XYLB: variants seen among roughly 807,000 people sequenced by gnomAD.
The protein encoded by XYLB is xylulokinase, also known as xylulose kinase.
A neutral mutation model predicts 78.7 loss-of-function variants in XYLB; 62 were observed. That is an observed-to-expected ratio of 0.79 (90% CI 0.64 to 0.97). The LOEUF (loss-of-function observed/expected upper bound fraction) is 0.97. Ranked by LOEUF, XYLB falls within the 50% of genes least tolerant of loss-of-function variation. The pLI is 0.00. For synonymous variants in XYLB, 245 were observed against 247.4 expected (o/e 0.99, Z 0.09); for missense variants, 687 against 676.8 (o/e 1.02, Z -0.17).
At chr3:38,398,552 A>G (rs977243177) in intron 17 of XYLB, among the ~76,000 whole-genome samples, 2 of 152,062 alleles carry the variant, frequency 1.3e-5, no homozygotes, top group Admixed American at 6.6e-5. Context: ...GCCATATCCT[A>G]TATCAAGATC....
chr3:38,395,724 C>T, intron 16 of XYLB, among the ~76,000 whole-genome samples, 161 bp downstream of exon 16: 1 of 152,226 alleles, frequency 6.6e-6, no homozygotes, highest in East Asian at 1.9e-4. Flanking sequence ...TTACAGCTCA[C>T]ACTGTGAGTG....
At chr3:38,392,562 G>A (rs918724531) in intron 15 of XYLB, among the ~76,000 whole-genome samples, 1 of 152,142 alleles carries the variant, frequency 6.6e-6, no homozygotes, top group Non-Finnish European at 1.5e-5. Flanking sequence ...CTCCCAAAGT[G>A]CTGGGATTAC....
chr3:38,352,362 A>G (rs1286799735), intron 2 of XYLB, among the ~76,000 whole-genome samples: 10 of 152,226 alleles, frequency 6.6e-5, no homozygotes, highest in African/African-American at 2.4e-4. Flanking sequence ...ATAAAAAAGA[A>G]CACAGAAGTT....
chr3:38,375,297 A>G, intron 12 of XYLB, 38 bp downstream of exon 12: 1 of 1,584,384 alleles, frequency 6.3e-7, no homozygotes, highest in East Asian at 2.2e-5. Flanking sequence ...TCCCTGGGTG[A>G]GGAGGTGTGG....
chr3:38,376,826 T>A (rs2125606317), intron 13 of XYLB, 92 bp from the exon 14 acceptor site: 1 of 1,044,192 alleles, frequency 9.6e-7, no homozygotes, highest in East Asian at 2.4e-5. Context: ...CCCAGGGATA[T>A]GGGGTCATTT....
intron 2 of XYLB, among the ~76,000 whole-genome samples, chr3:38,357,632 C>T (rs576676395): frequency 5.9e-5 from 9 of 152,240 alleles, no homozygotes; most frequent in East Asian, 3.9e-4. Context: ...GTGATCCGCC[C>T]GCCTCGGCCT....
chr3:38,360,525 C>A, intron 3 of XYLB, 117 bp downstream of exon 3: 1 of 859,050 alleles, frequency 1.2e-6, no homozygotes, highest in South Asian at 1.7e-5. Flanking sequence ...GTCACCAGGT[C>A]CTCATGGGAA....
intron 18 of XYLB, among the ~76,000 whole-genome samples, chr3:38,402,280 C>G (rs1250812948): frequency 1.3e-5 from 2 of 152,220 alleles, no homozygotes; most frequent in East Asian, 3.9e-4. Flanking sequence ...TAAACATTCT[C>G]TCCAGTGTCT....
the XYLB span, among the ~76,000 whole-genome samples, chr3:38,426,562 C>G: frequency 3.3e-5 from 5 of 152,318 alleles, no homozygotes; most frequent in Admixed American, 2.6e-4. Flanking sequence ...TGGATCAAGA[C>G]ACTTGGAGGC....
At chr3:38,409,780 A>G (rs1708495353) in intron 18 of XYLB, among the ~76,000 whole-genome samples, 1 of 152,352 alleles carries the variant, frequency 6.6e-6, no homozygotes, top group South Asian at 2.1e-4. Flanking sequence ...ACTCCCATTC[A>G]CAATTGCTTC....
chr3:38,358,383 C>A (rs1401318828), intron 2 of XYLB, among the ~76,000 whole-genome samples: 1 of 134,890 alleles, frequency 7.4e-6, no homozygotes, highest in Non-Finnish European at 1.6e-5. Flanking sequence ...TGCTCTGTTG[C>A]ACCCAGGCTG....
chr3:38,436,814 G>C, the XYLB span, among the ~76,000 whole-genome samples: 1 of 151,864 alleles, frequency 6.6e-6, no homozygotes, highest in African/African-American at 2.4e-5. Flanking sequence ...GACCAGCCTG[G>C]TCAACATGGT....
At chr3:38,372,609 G>A (rs755859474) in intron 9 of XYLB, 46 bp from the exon 10 acceptor site, 34 of 1,613,384 alleles carry the variant, frequency 2.1e-5, no homozygotes, top group South Asian at 2.0e-4. Context: ...CTGGGCAGGC[G>A]GGATTTACCT....
At chr3:38,391,483 T>C (rs73825561) in intron 15 of XYLB, among the ~76,000 whole-genome samples, 6,341 of 152,294 alleles carry the variant, frequency 0.042, 262 homozygotes, top group African/African-American at 0.11. Context: ...GATTTGCTGC[T>C]TTAGATCAAC....
At chr3:38,410,699 C>T (rs1319628538) in intron 18 of XYLB, among the ~76,000 whole-genome samples, 1 of 151,636 alleles carries the variant, frequency 6.6e-6, no homozygotes. Context: ...AAAAAAACAA[C>T]CCCATCAAAA....
At chr3:38,375,961 C>G (rs1041745351) in intron 12 of XYLB, among the ~76,000 whole-genome samples, 156 bp from the exon 13 acceptor site, 2 of 152,154 alleles carry the variant, frequency 1.3e-5, no homozygotes, top group Non-Finnish European at 2.9e-5. Context: ...TGAGGAAGAG[C>G]CTCCGATACC....
At chr3:38,427,741 C>T in the XYLB span, among the ~76,000 whole-genome samples, 3,830 of 152,080 alleles carry the variant, frequency 0.025, 170 homozygotes, top group African/African-American at 0.086. Flanking sequence ...TACAGGCGCC[C>T]ACCACCACAC....
rs184806915 is a variant in XYLB at position 38,378,067 on chromosome 3, G to C, written c.1194+1076G>C. 2.6e-5 allele frequency among the ~76,000 whole-genome samples: 4 copies of C among 152,356 alleles called. No individual in the cohort carries two copies. In the East Asian group the frequency reaches 7.7e-4, roughly 29 times the overall value. On this transcript the variant is annotated intron_variant, in intron 14 of 18. Transcript: ENST00000207870. ...ATGGGGGGTTTATGTAAGACACTCTGTCTGGAAACTGTAACTGTCAGAGTT... is the reference window on the plus strand; with the variant it reads ...ATGGGGGGTTTATGTAAGACACTCTCTCTGGAAACTGTAACTGTCAGAGTT...
At chr3:38,434,261 C>T in the XYLB span, among the ~76,000 whole-genome samples, 1 of 152,166 alleles carries the variant, frequency 6.6e-6, no homozygotes, top group Non-Finnish European at 1.5e-5. Context: ...GTCTCTTTCA[C>T]AGTACATTAT....
Sources: allele counts gnomAD v4.1 joint callset (sites outside exome capture counted in the v4.1 genomes callset), GRCh38; gene constraint gnomAD v4.1.1; transcripts MANE v1.5; gene names NCBI Gene and HGNC (gene_info 2026-07-23, HGNC 2026-07-21).